Variants in SLC27A5 observed in about 807,000 individuals in gnomAD.
SLC27A5 encodes the protein solute carrier family 27 member 5.
In SLC27A5, 47 loss-of-function variants were observed where a neutral mutation model predicts 63.1. The ratio of observed to expected loss-of-function variants is 0.74; its 90% confidence interval spans 0.59 to 0.95. SLC27A5 has a LOEUF of 0.95. SLC27A5 is among the 40% of genes least tolerant of loss of function. The pLI, the probability that SLC27A5 is intolerant of heterozygous loss-of-function variation, is 0.00. For synonymous variants in SLC27A5, 391 were observed against 403.8 expected (o/e 0.97, Z 0.38); for missense variants, 940 against 921.0 (o/e 1.02, Z -0.27).
At chr19:58,498,740 CT>C (rs1568625610) in intron 9 of SLC27A5, 44 bp downstream of exon 9, 3 of 1,610,380 alleles carry the variant, frequency 1.9e-6, no homozygotes, top group Non-Finnish European at 2.5e-6. Context: ...CACCCGCCCC[CT>C]GGCTATGATC....
rs1201758152 is a variant in SLC27A5 at position 58,509,871 on chromosome 19, C to T, written c.1033G>A (p.Gly345Arg). ...PLYHVMGLVV[G>R]ILGCLDLGAT... ...CCGAGATCTAAGCAGCCGAGGATCCCAACGACAAGTCCCATCACGTGGTAC... is the reference window on the plus strand; with the variant it reads ...CCGAGATCTAAGCAGCCGAGGATCCTAACGACAAGTCCCATCACGTGGTAC... The change falls in exon 3 of 10, where the codon GGG (glycine) becomes AGG (arginine). Residue 345 changes from glycine to arginine, a missense_variant. Transcript: ENST00000263093. 1.2e-6 allele frequency: 2 copies of T among 1,613,172 alleles called. No homozygotes were observed. Among genetic ancestry groups the T allele is most frequent in the Non-Finnish European group, 1.7e-6 (2 of 1,179,488 alleles).
chr19:58,511,824 C>T lies in SLC27A5; in HGVS notation c.132G>A (p.Val44=). Residue 44 remains valine (V), a synonymous_variant, in exon 1 of 10, where the codon GTG becomes GTA. Transcript: ENST00000263093. ...RWLLGDPTCC[V]LLGLAMLARP... ...GTGCTAACATGGCCAGCCCAAGTAG[C>T]ACGCAACATGTGGGATCCCCCAGGA... is the stretch of plus-strand genomic sequence containing the variant. 6.4e-7 allele frequency: 1 copy of T among 1,559,286 alleles called. No homozygotes were observed. The highest frequency in any genetic ancestry group is 2.4e-5 in the East Asian group (1 of 41,704).
intron 3 of SLC27A5, among the ~76,000 whole-genome samples, chr19:58,506,237 T>A (rs2053345453): frequency 6.7e-6 from 1 of 149,198 alleles, no homozygotes. Context: ...ATGATAAAAG[T>A]TTGAAAACAA....
In SLC27A5 at chr19:58,499,678, A is replaced by G. The variant is rs762755311; in HGVS notation, c.1481T>C (p.Leu494Pro). ...CTGGCTTACCACCTTGGTCAGCAGC[A>G]GCCCCGGCTCCCCTGGGGTAGGAGC... ...CIPVGLGEPG[L>P]LLTKVVSQQP... The change falls in exon 7 of 10, where the codon CTG becomes CCG. Residue 494 changes from leucine to proline, a missense_variant. Transcript: ENST00000263093. 3 of 1,611,812 alleles carry G rather than the reference A, an allele frequency of 1.9e-6. No individual in the cohort carries two copies. The South Asian group carries it at 3.3e-5, about 18-fold the overall frequency.
At position 58,498,419 on chromosome 19, in the gene SLC27A5, C is replaced by A; in HGVS notation, c.*96G>T. 1 of 1,306,664 alleles carries A rather than the reference C, an allele frequency of 7.7e-7. No homozygotes were observed. The highest frequency in any genetic ancestry group is 1.0e-6 in the Non-Finnish European group (1 of 960,852). 80.9% of individuals were successfully genotyped at this position (1,306,664 alleles called of 1,614,324 possible). A position where few individuals can be genotyped will look rare whatever the true frequency, so the allele number is the denominator to read the frequency against. On this transcript the variant is annotated 3_prime_UTR_variant, in exon 10 of 10. Transcript: ENST00000263093. ...CACTGAGGTTGAGGGTATGGCCAGGCTGGGATTCACACAGGCCCAGGATGA... is the reference window on the plus strand; with the variant it reads ...CACTGAGGTTGAGGGTATGGCCAGGATGGGATTCACACAGGCCCAGGATGA...
chr19:58,508,687 C>G (rs542138941), intron 3 of SLC27A5: 1 of 152,112 alleles, frequency 6.6e-6, no homozygotes, highest in South Asian at 2.1e-4. Context: ...GTGTTGAACT[C>G]CTGGACTCAA....
At chr19:58,499,074 C>T (rs201952004) in intron 8 of SLC27A5, 49 bp downstream of exon 8, 308 of 1,608,540 alleles carry the variant, frequency 1.9e-4, no homozygotes, top group Non-Finnish European at 2.4e-4. Context: ...GAATAACGAC[C>T]CCTCCACCCA....
At chr19:58,509,516 A>G in intron 3 of SLC27A5, 1 of 234,546 alleles carries the variant, frequency 4.3e-6, no homozygotes, top group Non-Finnish European at 8.2e-6. Flanking sequence ...AGTGCTTGAG[A>G]GCACTCCTAC....
intron 3 of SLC27A5, among the ~76,000 whole-genome samples, chr19:58,505,706 G>T (rs1380289357): frequency 2.0e-5 from 3 of 151,668 alleles, no homozygotes; most frequent in Non-Finnish European, 2.9e-5. Context: ...AAATTAGCCG[G>T]TCGTGAGGGC....
chr19:58,504,238 T>G (rs1600035217), intron 3 of SLC27A5, among the ~76,000 whole-genome samples: 1 of 152,228 alleles, frequency 6.6e-6, no homozygotes, highest in African/African-American at 2.4e-5. Context: ...TGTTGTTACG[T>G]GTAATAATCA....
At position 58,499,553 on chromosome 19, in the gene SLC27A5, C is replaced by T. The variant is rs751110550; in HGVS notation, c.1606G>A (p.Val536Ile). The T allele has an allele frequency of 2.5e-6, 4 of 1,613,190 alleles. No homozygotes were observed. Among genetic ancestry groups the T allele is most frequent in the Non-Finnish European group, 3.4e-6 (4 of 1,180,016 alleles). ...AAGCCTTCGCGGTCCATGGCCAGTA[C>T]GTCCCCGGTGTTGTAGTAAACGTCG... ...SGDVYYNTGD[V>I]LAMDREGFLY... Residue 536 changes from valine (V) to isoleucine (I), a missense_variant, in exon 7 of 10, where the codon GTA becomes ATA. Transcript: ENST00000263093.
chr19:58,498,794 G>A lies in SLC27A5; in HGVS notation c.1887C>T (p.Ile629=). The A allele has an allele frequency of 6.2e-7, 1 of 1,613,988 alleles. No individual in the cohort carries two copies. Among genetic ancestry groups the A allele is most frequent in the Non-Finnish European group, 8.5e-7 (1 of 1,179,946 alleles). Residue 629 remains isoleucine (I), a synonymous_variant, in exon 9 of 10, where the codon ATC becomes ATT. Transcript: ENST00000263093. The stretch of plus-strand genomic sequence containing the variant: ...GCCACCCTGGGCTCACCTGGATGCG[G>A]ATGAAATGGGGGGTAGCGTAGGCAG... ...WLPAYATPHF[I]RIQDAMEVTS...
intron 3 of SLC27A5, among the ~76,000 whole-genome samples, chr19:58,506,262 C>T (rs1287079022): frequency 2.6e-5 from 4 of 151,956 alleles, no homozygotes; most frequent in Admixed American, 2.0e-4. Flanking sequence ...ACGCCAGGCG[C>T]GGTGGTTCAC....
rs964513455 is a variant in SLC27A5 at position 58,501,192 on chromosome 19, G to A, written c.1182+94C>T. The A allele has an allele frequency of 2.0e-6, 3 of 1,483,326 alleles. No individual in the cohort carries two copies. The East Asian group carries it at 6.9e-5, about 34-fold the overall frequency. 91.9% of individuals were successfully genotyped at this position (1,483,326 alleles called of 1,614,324 possible). A position where few individuals can be genotyped will look rare whatever the true frequency, so the allele number is the denominator to read the frequency against. ...CTTGCATGAGGTGTATTATCTGAGG[G>A]ACTTGAGTTCAGTACCTGAATCTTT... On this transcript the variant is annotated intron_variant, in intron 4 of 9. Coordinates refer to ENST00000263093, the MANE Select transcript of SLC27A5 (RefSeq NM_012254.3).
intron 3 of SLC27A5, among the ~76,000 whole-genome samples, chr19:58,505,918 C>T (rs139717109): frequency 0.018 from 2,654 of 150,700 alleles, 86 homozygotes; most frequent in African/African-American, 0.06. Flanking sequence ...TTTGGGAGGC[C>T]GAGGCGGGCG....
intron 3 of SLC27A5, among the ~76,000 whole-genome samples, chr19:58,501,929 T>C (rs1402312258): frequency 6.6e-6 from 1 of 152,236 alleles, no homozygotes; most frequent in Non-Finnish European, 1.5e-5. Context: ...TCCACCCGCC[T>C]CGGCCTCCAA....
chr19:58,511,621 G>A lies in SLC27A5; in HGVS notation c.335C>T (p.Pro112Leu), dbSNP rs143207513. 5.1e-5 allele frequency: 82 copies of A among 1,596,118 alleles called. No homozygotes were observed. In the African/African-American group the frequency reaches 8.0e-4, roughly 16 times the overall value. Residue 112 changes from proline (P) to leucine (L), a missense_variant, in exon 1 of 10, where the codon CCG (proline) becomes CTG (leucine). By Grantham distance (98) the Pro-to-Leu change is moderately conservative. Coordinates refer to ENST00000263093, the MANE Select transcript of SLC27A5 (RefSeq NM_012254.3). ...LKIRGCLSRQ[P>L]PDTFVDAFER... ...GAAGGCATCTACAAAGGTGTCAGGC[G>A]GCTGCCGGCTCAAGCATCCCCTGAT... is the stretch of plus-strand genomic sequence containing the variant.
At position 58,499,627 on chromosome 19, in the gene SLC27A5, G is replaced by C; in HGVS notation, c.1532C>G (p.Pro511Arg). The C allele has an allele frequency of 1.2e-6, 2 of 1,612,446 alleles. No homozygotes were observed. Among genetic ancestry groups the C allele is most frequent in the Non-Finnish European group, 1.7e-6 (2 of 1,179,882 alleles). Reference sequence around the variant, plus strand: ...CAGCTTCCGTTCCGACAGCTCTCGGGGGCCGCGGTAGCCCACGAAGGGTTG... The same window carrying C: ...CAGCTTCCGTTCCGACAGCTCTCGGCGGCCGCGGTAGCCCACGAAGGGTTG... ...SQQPFVGYRG[P>R]RELSERKLVR... The change falls in exon 7 of 10, where the codon CCC becomes CGC. Residue 511 changes from proline (P) to arginine (R), a missense_variant. By Grantham distance (103) the Pro-to-Arg change is moderately radical. Coordinates refer to ENST00000263093, the MANE Select transcript of SLC27A5 (RefSeq NM_012254.3).
chr19:58,510,828 A>G lies in SLC27A5; in HGVS notation c.791T>C (p.Leu264Pro). The G allele has an allele frequency of 6.2e-7, 1 of 1,613,396 alleles. No homozygotes were observed. The highest frequency in any genetic ancestry group is 1.1e-5 in the South Asian group (1 of 90,904). ...HTSPTPGVGALGAALDAAPSH... is the reference protein window; with the variant it reads ...HTSPTPGVGAPGAALDAAPSH... ...GGGCGCTGCATCCAGGGCAGCCCCC[A>G]GAGCCCCCACCCCTGGTGTAGGGGA... is the stretch of plus-strand genomic sequence containing the variant. The change falls in exon 2 of 10, where the codon CTG becomes CCG. Residue 264 changes from leucine to proline, a missense_variant. Transcript: ENST00000263093.
Sources: gnomAD v4.1 joint callset for allele counts (sites outside exome capture counted in the v4.1 genomes callset) on GRCh38, gnomAD v4.1.1 for gene constraint, MANE v1.5 for transcripts, NCBI Gene and HGNC (gene_info 2026-07-23, HGNC 2026-07-21) for gene names.